PDE4D: variants seen among roughly 807,000 people sequenced by gnomAD.
The protein encoded by PDE4D is phosphodiesterase 4D.
PDE4D carries 24 observed loss-of-function variants against 87.4 expected under a neutral mutation model. That is an observed-to-expected ratio of 0.27 (90% CI 0.20 to 0.39). The LOEUF (loss-of-function observed/expected upper bound fraction) is 0.39, where lower values mean the gene tolerates loss of function less well. PDE4D is among the 10% of genes least tolerant of loss of function. The probability of loss-of-function intolerance (pLI) is 1.00; values close to 1 mark genes in which losing one functional copy is unlikely to be tolerated. For missense variants in PDE4D, 714 were observed against 1,041.0 expected (o/e 0.69, Z 4.32); for synonymous variants, 384 against 383.2 (o/e 1.00, Z -0.02).
At chr5:59,870,154 C>T (rs866542426) in intron 1 of PDE4D, among the ~76,000 whole-genome samples, 12 of 152,320 alleles carry the variant, frequency 7.9e-5, no homozygotes, top group Admixed American at 3.9e-4. Flanking sequence ...CCCTAAGGAA[C>T]ATTTCTTCTT....
At chr5:59,978,019 T>C (rs1761513595) in intron 3 of PDE4D, among the ~76,000 whole-genome samples, 2 of 152,206 alleles carry the variant, frequency 1.3e-5, no homozygotes, top group Non-Finnish European at 2.9e-5. Context: ...GAAAAAAAGA[T>C]TCTTTTCAAA....
chr5:59,036,705 ATAAGT>A (rs1407884220), intron 6 of PDE4D, among the ~76,000 whole-genome samples: 1 of 152,240 alleles, frequency 6.6e-6, no homozygotes, highest in Non-Finnish European at 1.5e-5. Context: ...TTAGAAATAA[ATAAGT>A]TAAAGAAGAC....
chr5:59,726,652 G>A (rs1447363090), intron 1 of PDE4D, among the ~76,000 whole-genome samples: 2 of 152,058 alleles, frequency 1.3e-5, no homozygotes, highest in Admixed American at 1.3e-4. Flanking sequence ...TGTTGTAGCA[G>A]CTGGAGCTGA....
At chr5:60,460,821 T>C (rs1746873440) in intron 1 of PDE4D, 1 of 506,038 alleles carries the variant, frequency 2.0e-6, no homozygotes, top group Non-Finnish European at 3.5e-6. Flanking sequence ...ATAAGATTTA[T>C]TGGTTAAAAT....
At chr5:59,435,860 T>C (rs1796735379) in intron 1 of PDE4D, among the ~76,000 whole-genome samples, 1 of 152,204 alleles carries the variant, frequency 6.6e-6, no homozygotes, top group African/African-American at 2.4e-5. Flanking sequence ...CTATTCATCA[T>C]ATGCAATCAA....
chr5:60,023,839 G>C (rs573892031), intron 2 of PDE4D, among the ~76,000 whole-genome samples: 1 of 152,278 alleles, frequency 6.6e-6, no homozygotes, highest in Non-Finnish European at 1.5e-5. Flanking sequence ...GGGGAAGCAA[G>C]TGTCACTAAC....
chr5:59,510,080 A>G (rs530886622), intron 1 of PDE4D, among the ~76,000 whole-genome samples: 1 of 150,634 alleles, frequency 6.6e-6, no homozygotes, highest in Non-Finnish European at 1.5e-5. Context: ...TTAGAAATTA[A>G]TAACAATGTA....
intron 1 of PDE4D, chr5:59,275,274 T>C: frequency 7.9e-7 from 1 of 1,272,352 alleles, no homozygotes; most frequent in African/African-American, 1.5e-5. Context: ...ACTTACTAAA[T>C]ACTCAAGGAG....
At chr5:60,134,702 T>C (rs1040854853) in intron 2 of PDE4D, among the ~76,000 whole-genome samples, 2 of 152,184 alleles carry the variant, frequency 1.3e-5, no homozygotes, top group Non-Finnish European at 2.9e-5. Context: ...TTGTAATGCC[T>C]AGTATAACGT....
chr5:59,675,029 T>A (rs1191568375), intron 1 of PDE4D, among the ~76,000 whole-genome samples: 1 of 152,324 alleles, frequency 6.6e-6, no homozygotes, highest in Admixed American at 6.5e-5. Context: ...CAACTACCTG[T>A]AACTAGATTT....
At chr5:59,493,223 G>C (rs948199534) in intron 1 of PDE4D, among the ~76,000 whole-genome samples, 3 of 152,074 alleles carry the variant, frequency 2.0e-5, no homozygotes. Context: ...ATTCTAAAAA[G>C]AATGAAAACC....
At chr5:59,754,463 G>A (rs1164006538) in intron 1 of PDE4D, among the ~76,000 whole-genome samples, 1 of 152,134 alleles carries the variant, frequency 6.6e-6, no homozygotes, top group African/African-American at 2.4e-5. Context: ...GACCTATGAA[G>A]TTATACAGGA....
intron 1 of PDE4D, chr5:59,768,498 C>T: frequency 6.3e-7 from 1 of 1,598,274 alleles, no homozygotes; most frequent in Non-Finnish European, 8.5e-7. Flanking sequence ...CCGGGCTTGT[C>T]TGCTGAGCCA....
At chr5:60,168,766 C>T (rs982427463) in intron 2 of PDE4D, among the ~76,000 whole-genome samples, 2 of 152,074 alleles carry the variant, frequency 1.3e-5, no homozygotes, top group Non-Finnish European at 2.9e-5. Flanking sequence ...AAAGTCTCTA[C>T]ATGCTTACTA....
intron 1 of PDE4D, among the ~76,000 whole-genome samples, chr5:59,417,592 C>T (rs867557108): frequency 6.6e-5 from 10 of 151,696 alleles, no homozygotes; most frequent in Middle Eastern, 3.2e-3. Context: ...AGCACTCAAG[C>T]TCATGGCTAA....
At chr5:60,462,247 G>A (rs950025467) in intron 1 of PDE4D, among the ~76,000 whole-genome samples, 3 of 152,132 alleles carry the variant, frequency 2.0e-5, no homozygotes, top group African/African-American at 7.2e-5. Flanking sequence ...GGGCCTGGGT[G>A]TGTCTTCACC....
chr5:59,099,412 C>T (rs1770347612), intron 5 of PDE4D, among the ~76,000 whole-genome samples: 1 of 152,218 alleles, frequency 6.6e-6, no homozygotes, highest in African/African-American at 2.4e-5. Flanking sequence ...CTGTGACTCA[C>T]ACTTCAGGCT....
chr5:59,669,864 T>A (rs1205800044), intron 1 of PDE4D, among the ~76,000 whole-genome samples: 1 of 152,218 alleles, frequency 6.6e-6, no homozygotes, highest in African/African-American at 2.4e-5. Context: ...AAATCTACAT[T>A]TTATCAGTCA....
At chr5:59,452,730 GA>G (rs1562215526) in intron 1 of PDE4D, among the ~76,000 whole-genome samples, 3 of 152,220 alleles carry the variant, frequency 2.0e-5, no homozygotes, top group Non-Finnish European at 4.4e-5. Context: ...AAAGGGCAGA[GA>G]AAGGGCAATA....
Sources: allele counts gnomAD v4.1 joint callset (sites outside exome capture counted in the v4.1 genomes callset), GRCh38; gene constraint gnomAD v4.1.1; transcripts MANE v1.5; gene names NCBI Gene and HGNC (gene_info 2026-07-23, HGNC 2026-07-21).